STXBP5L: variants seen among roughly 807,000 people sequenced by gnomAD.
STXBP5L encodes syntaxin binding protein 5L.
A neutral mutation model predicts 144.5 loss-of-function variants in STXBP5L; 65 were observed. The ratio of observed to expected loss-of-function variants is 0.45; its 90% CI spans 0.37 to 0.55. The LOEUF (loss-of-function observed/expected upper bound fraction) is 0.55. Ranked by LOEUF, STXBP5L falls within the 20% of genes least tolerant of loss-of-function variation. The pLI, the probability that STXBP5L is intolerant of heterozygous loss-of-function variation, is 0.00. For synonymous variants in STXBP5L, 505 were observed against 469.6 expected (o/e 1.08, Z -0.97); for missense variants, 1,298 against 1,405.5 (o/e 0.92, Z 1.22).
chr3:120,987,814 T>A (rs1942441921), intron 3 of STXBP5L, among the ~76,000 whole-genome samples: 1 of 151,890 alleles, frequency 6.6e-6, no homozygotes, highest in Non-Finnish European at 1.5e-5. Flanking sequence ...ACTATCTTCA[T>A]AAAGTAAATT....
rs562887365 is a variant in STXBP5L, at chr3:120,957,421, T to C, written c.287+2384T>C. On this transcript the variant is annotated intron_variant, in intron 3 of 26. Transcript: ENST00000471454. ...AATGATAAGTGATTTTTAAAAAATATGTTGTCTTGTTGAAATTGATTTGTG... is the reference window on the plus strand; with the variant it reads ...AATGATAAGTGATTTTTAAAAAATACGTTGTCTTGTTGAAATTGATTTGTG... 9.9e-5 allele frequency among the ~76,000 whole-genome samples: 15 copies of C among 152,148 alleles called. No homozygotes were observed. In the East Asian group the frequency reaches 2.9e-3, roughly 29 times the overall value.
At chr3:120,914,108 A>T (rs1236128447) in intron 2 of STXBP5L, among the ~76,000 whole-genome samples, 2 of 152,176 alleles carry the variant, frequency 1.3e-5, no homozygotes, top group Non-Finnish European at 2.9e-5. Context: ...TTTTTATTGA[A>T]GAAGATATTA....
At chr3:121,035,747 A>G (rs1200205935) in intron 3 of STXBP5L, among the ~76,000 whole-genome samples, 1 of 152,126 alleles carries the variant, frequency 6.6e-6, no homozygotes, top group Non-Finnish European at 1.5e-5. Context: ...GAAAAATGAC[A>G]TTAGTATTTT....
intron 20 of STXBP5L, among the ~76,000 whole-genome samples, chr3:121,360,162 TTTCTC>T (rs988443294): frequency 5.3e-5 from 8 of 150,044 alleles, no homozygotes; most frequent in Admixed American, 1.3e-4. Context: ...GTGATCTTCT[TTTCTC>T]TTCTTATAGT....
At chr3:121,240,643 C>T (rs906095589) in intron 14 of STXBP5L, 136 bp downstream of exon 14, 14 of 734,838 alleles carry the variant, frequency 1.9e-5, no homozygotes, top group Non-Finnish European at 2.9e-5. Context: ...TAGCTTCTAC[C>T]CAAAGATTCT....
chr3:121,267,366 A>T (rs2050599412), intron 18 of STXBP5L, among the ~76,000 whole-genome samples: 1 of 152,192 alleles, frequency 6.6e-6, no homozygotes, highest in Non-Finnish European at 1.5e-5. Flanking sequence ...ATATGCAGAA[A>T]ACTGAAATTA....
chr3:121,034,999 G>A (rs970794763), intron 3 of STXBP5L, among the ~76,000 whole-genome samples: 1 of 152,020 alleles, frequency 6.6e-6, no homozygotes, highest in African/African-American at 2.4e-5. Flanking sequence ...ATACTTGTTG[G>A]CAATTTGTAG....
At chr3:121,401,799 ACACGTTAGTGGGTGCAGCG>A (rs2046881620) in intron 22 of STXBP5L, among the ~76,000 whole-genome samples, 1 of 134,914 alleles carries the variant, frequency 7.4e-6, no homozygotes, top group African/African-American at 2.9e-5. Context: ...ATGCTAGATG[ACACGTTAGTGGGTGCAGCG>A]CACCAGCATG....
chr3:121,293,396 A>G (rs2051521283), intron 19 of STXBP5L, among the ~76,000 whole-genome samples: 1 of 152,208 alleles, frequency 6.6e-6, no homozygotes, highest in Non-Finnish European at 1.5e-5. Context: ...AGAAGTGTTT[A>G]TTATGTTAAT....
intron 5 of STXBP5L, among the ~76,000 whole-genome samples, chr3:121,055,026 C>G (rs1425775511): frequency 6.6e-6 from 1 of 152,062 alleles, no homozygotes; most frequent in Non-Finnish European, 1.5e-5. Context: ...TTTATTATCT[C>G]AACTGAGTTA....
intron 8 of STXBP5L, 117 bp downstream of exon 8, chr3:121,152,677 C>A: frequency 1.6e-6 from 1 of 637,746 alleles, no homozygotes; most frequent in Non-Finnish European, 2.6e-6. Flanking sequence ...TGATTCTGAC[C>A]CAGTGCTTCA....
chr3:121,375,623 C>A (rs2108672177), intron 20 of STXBP5L, among the ~76,000 whole-genome samples: 1 of 152,180 alleles, frequency 6.6e-6, no homozygotes, highest in East Asian at 1.9e-4. Flanking sequence ...TACAAAGTGC[C>A]CAGCATTTAA....
chr3:121,029,328 C>A (rs868265381), intron 3 of STXBP5L, among the ~76,000 whole-genome samples: 6 of 152,078 alleles, frequency 3.9e-5, no homozygotes, highest in Non-Finnish European at 7.4e-5. Flanking sequence ...GGTAACAAAA[C>A]AGATATATAG....
At chr3:120,944,189 T>C (rs1710723855) in intron 2 of STXBP5L, among the ~76,000 whole-genome samples, 1 of 151,152 alleles carries the variant, frequency 6.6e-6, no homozygotes, top group South Asian at 2.1e-4. Flanking sequence ...CCTTTTTTTT[T>C]CCCTTTGGAA....
At chr3:121,330,081 A>C (rs989770806) in intron 20 of STXBP5L, among the ~76,000 whole-genome samples, 6 of 152,144 alleles carry the variant, frequency 3.9e-5, no homozygotes, top group Non-Finnish European at 8.8e-5. Context: ...GGTTTTAATA[A>C]TTATACAATA....
At position 121,088,138 on chromosome 3, in the gene STXBP5L, A is replaced by G. The variant is rs527527345; in HGVS notation, c.471-26787A>G. On this transcript the variant is annotated intron_variant, in intron 5 of 26. Transcript: ENST00000471454. ...CTTCTGCACAGCAAAAGAAACTACC[A>G]TCAGAGTGAACAGGCAAACTACAAC... Among the ~76,000 whole-genome samples the G allele has an allele frequency of 5.1e-4, 77 of 151,296 alleles. 1 individual carries two copies. The highest frequency in any genetic ancestry group is 9.9e-4 in the Non-Finnish European group (67 of 67,798).
intron 5 of STXBP5L, among the ~76,000 whole-genome samples, chr3:121,100,281 C>G (rs1437781365): frequency 6.6e-6 from 1 of 152,112 alleles, no homozygotes; most frequent in Non-Finnish European, 1.5e-5. Context: ...CTCCACCCAT[C>G]AACTATAGGA....
chr3:120,952,483 T>C lies in STXBP5L; in HGVS notation c.190-2457T>C, dbSNP rs1050927423. On this transcript the variant is annotated intron_variant, in intron 2 of 26. Transcript: ENST00000471454. The stretch of plus-strand genomic sequence containing the variant: ...TTATTTTTGGATAGTTTATTGTTAG[T>C]ATGCAGGAATACAATTGACTTTTTA... Among the ~76,000 whole-genome samples, 3 of 152,210 alleles carry C rather than the reference T, an allele frequency of 2.0e-5. No homozygotes were observed. In the East Asian group the frequency reaches 5.8e-4, roughly 29 times the overall value.
intron 12 of STXBP5L, among the ~76,000 whole-genome samples, chr3:121,236,467 G>A (rs1355521973): frequency 5.3e-5 from 8 of 152,278 alleles, no homozygotes; most frequent in South Asian, 2.1e-4. Context: ...ATCTCAGAAC[G>A]TGAAGGGAAG....
Sources: gnomAD v4.1 joint callset for allele counts (sites outside exome capture counted in the v4.1 genomes callset) on GRCh38, gnomAD v4.1.1 for gene constraint, MANE v1.5 for transcripts, NCBI Gene and HGNC (gene_info 2026-07-23, HGNC 2026-07-21) for gene names.